Variants in RCOR1 observed in about 807,000 individuals in gnomAD.
RCOR1 encodes the protein REST corepressor 1, also known as REST corepressor.
A neutral mutation model predicts 64.0 loss-of-function variants in RCOR1; 12 were observed. The observed-to-expected ratio is 0.19, with a 90% CI of 0.12 to 0.30. The LOEUF is 0.30. Among genes scored for constraint, RCOR1 ranks in the 10% least tolerant of loss-of-function variants. The probability of loss-of-function intolerance (pLI) is 1.00; values close to 1 mark genes in which losing one functional copy is unlikely to be tolerated. For synonymous variants in RCOR1, 279 were observed against 227.2 expected (o/e 1.23, Z -2.05); for missense variants, 502 against 621.2 (o/e 0.81, Z 2.04).
intron 2 of RCOR1, among the ~76,000 whole-genome samples, chr14:102,667,107 G>A (rs1894928869): frequency 1.3e-5 from 2 of 152,134 alleles, no homozygotes; most frequent in Admixed American, 1.3e-4. Context: ...AGGGGAGGCA[G>A]GAGGATCAGT....
intron 4 of RCOR1, among the ~76,000 whole-genome samples, chr14:102,701,577 G>T (rs1355952459): frequency 6.6e-6 from 1 of 152,178 alleles, no homozygotes; most frequent in African/African-American, 2.4e-5. Flanking sequence ...TGATTACTTA[G>T]TGATTACTAA....
Position 102,728,629 on chromosome 14 carries a change from A to C in RCOR1, c.*2123A>C, listed in dbSNP as rs1896316111. ...CTGGTCCCTCCTGGCAGTGCTTGGA[A>C]GCTTGATGCTAATTTTTATATAGCG... On this transcript the variant is annotated 3_prime_UTR_variant, in exon 12 of 12. Transcript: ENST00000262241. The C allele has an allele frequency of 6.6e-6, 1 of 152,108 alleles. No individual in the cohort carries two copies. Among genetic ancestry groups the C allele is most frequent in the African/African-American group, 2.4e-5 (1 of 41,402 alleles). The allele number at this position is 152,108 out of a possible 1,614,324, so 9.4% of individuals were successfully genotyped here.
intron 2 of RCOR1, among the ~76,000 whole-genome samples, chr14:102,665,787 C>A (rs996375699): frequency 6.6e-6 from 1 of 152,312 alleles, no homozygotes; most frequent in Non-Finnish European, 1.5e-5. Context: ...CAGTTCTTAT[C>A]TCATAGGGCT....
At chr14:102,700,112 C>G (rs913514404) in intron 3 of RCOR1, among the ~76,000 whole-genome samples, 3 of 152,176 alleles carry the variant, frequency 2.0e-5, no homozygotes, top group African/African-American at 7.2e-5. Context: ...TGAGCTGAAA[C>G]TAAAAATGAC....
At chr14:102,691,928 T>C (rs1374665975) in intron 3 of RCOR1, among the ~76,000 whole-genome samples, 1 of 152,216 alleles carries the variant, frequency 6.6e-6, no homozygotes, top group African/African-American at 2.4e-5. Context: ...CTAGAATATA[T>C]ATGCTAAGTT....
chr14:102,721,090 AT>A lies in RCOR1; in HGVS notation c.1131+8del. ...AACCATATCGACTTCCAGAGGTAGG[AT>A]TATGTTAACATCATCTTAGAAGTCA... On this transcript the variant is annotated splice_region_variant and intron_variant, in intron 9 of 11. Coordinates refer to ENST00000262241, the MANE Select transcript of RCOR1 (RefSeq NM_015156.4). The A allele has an allele frequency of 1.3e-6, 2 of 1,517,874 alleles. No homozygotes were observed. The highest frequency in any genetic ancestry group is 1.8e-6 in the Non-Finnish European group (2 of 1,110,682). 94.0% of individuals were successfully genotyped at this position (1,517,874 alleles called of 1,614,324 possible). A position where few individuals can be genotyped will look rare whatever the true frequency, so the allele number is the denominator to read the frequency against.
rs1268917129 is a variant in RCOR1, at chr14:102,670,777, TATTG to T, written c.362-11110_362-11107del. Reference sequence around the variant, plus strand: ...TATATATTTATTTATTTTACTTATTTATTGATTGATTTTGAGATGGAGTCTTGCT... The same window carrying T: ...TATATATTTATTTATTTTACTTATTTATTGATTTTGAGATGGAGTCTTGCT... On this transcript the variant is annotated intron_variant, in intron 2 of 11. Transcript: ENST00000262241. Among the ~76,000 whole-genome samples the T allele has an allele frequency of 2.0e-5, 3 of 151,166 alleles. No individual in the cohort carries two copies. In the East Asian group the frequency reaches 5.8e-4, roughly 29 times the overall value.
chr14:102,622,531 A>G (rs1305897298), intron 2 of RCOR1, among the ~76,000 whole-genome samples: 2 of 151,670 alleles, frequency 1.3e-5, no homozygotes, highest in Non-Finnish European at 2.9e-5. Flanking sequence ...TTCTTTTCTG[A>G]TCCTGTTTTT....
At chr14:102,660,783 A>G (rs1197386077) in intron 2 of RCOR1, among the ~76,000 whole-genome samples, 1 of 152,228 alleles carries the variant, frequency 6.6e-6, no homozygotes, top group Admixed American at 6.5e-5. Flanking sequence ...TGTGATTATT[A>G]CTATACTGGT....
intron 2 of RCOR1, among the ~76,000 whole-genome samples, chr14:102,611,449 T>C (rs891354204): frequency 1.3e-5 from 2 of 152,216 alleles, no homozygotes; most frequent in Non-Finnish European, 2.9e-5. Context: ...GTTGCTTGAT[T>C]CTTTTTTTTC....
At chr14:102,624,773 G>GAA (rs548109072) in intron 2 of RCOR1, among the ~76,000 whole-genome samples, 1 of 136,050 alleles carries the variant, frequency 7.4e-6, no homozygotes, top group Admixed American at 7.5e-5. Flanking sequence ...CTCCTCCTCA[G>GAA]AAAAAAAAAA....
At position 102,728,787 on chromosome 14, in the gene RCOR1, C is replaced by G. The variant is rs1015142377; in HGVS notation, c.*2281C>G. The G allele has an allele frequency of 1.3e-5, 2 of 152,086 alleles. No individual in the cohort carries two copies. Among genetic ancestry groups the G allele is most frequent in the Admixed American group, 1.3e-4 (2 of 15,260 alleles). The allele number at this position is 152,086 out of a possible 1,614,324, so 9.4% of individuals were successfully genotyped here. ...CAGCAGCTGACCTGGGCTTTCTCCC[C>G]GAGAGGAAGGGGCATGTCATTTTTA... On this transcript the variant is annotated 3_prime_UTR_variant, in exon 12 of 12. Transcript: ENST00000262241.
At chr14:102,640,037 G>A (rs372210890) in intron 2 of RCOR1, among the ~76,000 whole-genome samples, 18 of 152,302 alleles carry the variant, frequency 1.2e-4, no homozygotes, top group African/African-American at 2.4e-4. Flanking sequence ...TAGAGATGGC[G>A]TTTCACCATG....
intron 7 of RCOR1, among the ~76,000 whole-genome samples, chr14:102,713,509 C>A (rs1423519034): frequency 3.3e-5 from 5 of 151,784 alleles, no homozygotes; most frequent in Non-Finnish European, 4.4e-5. Context: ...GTCTCAATCT[C>A]CTGACTTCGT....
chr14:102,690,066 T>C (rs1312488006), intron 3 of RCOR1, among the ~76,000 whole-genome samples: 1 of 152,000 alleles, frequency 6.6e-6, no homozygotes, highest in Non-Finnish European at 1.5e-5. Context: ...AAGCTAGCTA[T>C]TAACTATATA....
chr14:102,692,404 T>C (rs762525430), intron 3 of RCOR1, among the ~76,000 whole-genome samples: 8 of 151,584 alleles, frequency 5.3e-5, no homozygotes, highest in Non-Finnish European at 1.2e-4. Flanking sequence ...GGTCATAATA[T>C]ATGAAAGCTG....
intron 2 of RCOR1, chr14:102,655,988 C>CACACACACAT: frequency 1.0e-6 from 1 of 961,570 alleles, no homozygotes; most frequent in African/African-American, 1.8e-5. Context: ...CACACACACA[C>CACACACACAT]GTGAAATAAA....
rs1007579627 is a variant in RCOR1 at position 102,730,174 on chromosome 14, A to G, written c.*3668A>G. 1 of 397,440 alleles carries G rather than the reference A, an allele frequency of 2.5e-6. No homozygotes were observed. Among genetic ancestry groups the G allele is most frequent in the African/African-American group, 2.1e-5 (1 of 48,622 alleles). The allele number at this position is 397,440 out of a possible 1,614,324, so 24.6% of individuals were successfully genotyped here. On this transcript the variant is annotated 3_prime_UTR_variant, in exon 12 of 12. Coordinates refer to ENST00000262241, the MANE Select transcript of RCOR1 (RefSeq NM_015156.4). Reference sequence around the variant, plus strand: ...TTTATACCGGGGTGGATAGTATTCCATTAGGTAGACTTATCGACTTTGCTA... The same window carrying G: ...TTTATACCGGGGTGGATAGTATTCCGTTAGGTAGACTTATCGACTTTGCTA...
chr14:102,696,310 T>C (rs1299868895), intron 3 of RCOR1, among the ~76,000 whole-genome samples: 1 of 152,186 alleles, frequency 6.6e-6, no homozygotes, highest in Non-Finnish European at 1.5e-5. Flanking sequence ...ATTTTATAAA[T>C]TTTCTTGAAG....
Sources: gnomAD v4.1 joint callset for allele counts (sites outside exome capture counted in the v4.1 genomes callset) on GRCh38, gnomAD v4.1.1 for gene constraint, MANE v1.5 for transcripts, NCBI Gene and HGNC (gene_info 2026-07-23, HGNC 2026-07-21) for gene names.